The following TFAP2A variants were observed in gnomAD, a reference collection of about 807,000 sequenced individuals.
TFAP2A encodes the protein transcription factor AP-2-alpha.
Under a neutral mutation model 41.5 loss-of-function variants are expected in TFAP2A, and 7 were observed. That is an observed-to-expected ratio of 0.17 (90% CI 0.10 to 0.32). The LOEUF (loss-of-function observed/expected upper bound fraction) is 0.32. TFAP2A is among the 10% of genes least tolerant of loss of function. The pLI is 1.00. For synonymous variants in TFAP2A, 247 were observed against 242.8 expected (o/e 1.02, Z -0.16); for missense variants, 416 against 563.3 (o/e 0.74, Z 2.65).
chr6:10,418,489 G>A (rs1300819347), upstream of TFAP2A: 2 of 152,254 alleles, frequency 1.3e-5, no homozygotes, highest in Non-Finnish European at 2.9e-5. Context: ...AGGGCCTCGC[G>A]GTTCTGATGA....
At chr6:10,400,261 T>C (rs989553369) in intron 6 of TFAP2A, among the ~76,000 whole-genome samples, 187 bp downstream of exon 6, 2 of 149,092 alleles carry the variant, frequency 1.3e-5, no homozygotes, top group Non-Finnish European at 3.0e-5. Context: ...AGGAAAAAGA[T>C]GGGAGCGCCC....
At chr6:10,404,460 G>A in intron 4 of TFAP2A, 48 bp downstream of exon 4, 2 of 1,405,506 alleles carry the variant, frequency 1.4e-6, no homozygotes, top group East Asian at 2.9e-5. Flanking sequence ...AAGCGCAGTG[G>A]TTCCCCCGGC....
chr6:10,406,992 C>T, intron 2 of TFAP2A, 148 bp from the exon 3 acceptor site: 3 of 715,750 alleles, frequency 4.2e-6, no homozygotes, highest in South Asian at 1.6e-5. Flanking sequence ...CTCATCTTGG[C>T]TTATTGGAAT....
At chr6:10,399,972 A>T (rs1761947336) in intron 6 of TFAP2A, among the ~76,000 whole-genome samples, 1 of 151,244 alleles carries the variant, frequency 6.6e-6, no homozygotes, top group Non-Finnish European at 1.5e-5. Context: ...TTGTGAAAGG[A>T]AGGTAAGAAA....
At chr6:10,413,071 T>G (rs1758071455) in intron 1 of TFAP2A, among the ~76,000 whole-genome samples, 1 of 152,014 alleles carries the variant, frequency 6.6e-6, no homozygotes, top group South Asian at 2.1e-4. Context: ...ATGACACGAC[T>G]AGCTCTCCCG....
chr6:10,415,166 AGAGGAGGGCGAGGAGGAG>A (rs1366177465), upstream of TFAP2A: 183 of 1,506,444 alleles, frequency 1.2e-4, no homozygotes, highest in South Asian at 4.0e-4. Flanking sequence ...AGGAGGAGGA[AGAGGAGGGCGAGGAGGAG>A]GAGGAGGGCG....
chr6:10,398,567 G>C lies in TFAP2A; in HGVS notation c.1170C>G (p.Ser390Arg), dbSNP rs1165787572. Residue 390 changes from serine to arginine, a missense_variant, in exon 7 of 7, where the codon AGC becomes AGG. By Grantham distance (110) the Ser-to-Arg change is moderately radical. This residue lies in a region of TFAP2A where 116 missense variants were observed against 153.8 expected (regional missense o/e 0.75). Transcript: ENST00000379613. The surrounding 1 kb of genome is among the most constrained non-coding windows in gnomAD (Gnocchi z 5.3). ...CCGTGACCGCGGCACACACCGCGGG[G>C]CTGCCGAAGCCGTGGGAGATGAGGT... ...HFNLISHGFG[S>R]PAVCAAVTAL... The C allele has an allele frequency of 1.2e-6, 2 of 1,614,118 alleles. No individual in the cohort carries two copies. The highest frequency in any genetic ancestry group is 1.7e-6 in the Non-Finnish European group (2 of 1,180,040).
chr6:10,410,381 C>A lies in TFAP2A; in HGVS notation c.52-46G>T, dbSNP rs549026219. On this transcript the variant is annotated intron_variant, in intron 1 of 6. Coordinates refer to ENST00000379613, the MANE Select transcript of TFAP2A (RefSeq NM_001372066.1). ...AGGTAAAGAACAAGGAATCAGGCGT[C>A]GAGCTACAACTATCCACACAAAATC... 4.2e-5 allele frequency: 65 copies of A among 1,541,094 alleles called. No homozygotes were observed. In the East Asian group the frequency reaches 1.5e-3, roughly 36 times the overall value.
At chr6:10,409,734 G>T in intron 2 of TFAP2A, 167 bp downstream of exon 2, 1 of 796,590 alleles carries the variant, frequency 1.3e-6, no homozygotes, top group Non-Finnish European at 2.0e-6. Context: ...CAACTACTTT[G>T]TGTGGTTCCT....
intron 6 of TFAP2A, among the ~76,000 whole-genome samples, chr6:10,399,896 GTCTCTC>G (rs140854143): frequency 1.6e-4 from 24 of 148,596 alleles, no homozygotes; most frequent in South Asian, 6.4e-4. Flanking sequence ...TGGGGTGTGG[GTCTCTC>G]TCTCTCTCTC....
At chr6:10,417,027 G>C (rs1034386581), upstream of TFAP2A, 3 of 152,414 alleles carry the variant, frequency 2.0e-5, no homozygotes, top group African/African-American at 7.2e-5. Context: ...GGCTGTCCCA[G>C]CCTGTCGCCA....
intron 4 of TFAP2A, among the ~76,000 whole-genome samples, chr6:10,403,351 A>G (rs1581260677): frequency 6.6e-6 from 1 of 152,232 alleles, no homozygotes; most frequent in Admixed American, 6.5e-5. Context: ...ACAGTCTCCA[A>G]TATTGGGGAT....
At chr6:10,409,075 GGTTTAA>G (rs773221998) in intron 2 of TFAP2A, 3 of 152,200 alleles carry the variant, frequency 2.0e-5, no homozygotes, top group Non-Finnish European at 4.4e-5. Flanking sequence ...CAGAGGTACT[GGTTTAA>G]GTTTAATTCC....
intron 1 of TFAP2A, chr6:10,411,461 C>G: frequency 6.3e-7 from 1 of 1,599,922 alleles, no homozygotes; most frequent in Non-Finnish European, 8.5e-7. Context: ...AGAGGGTGTC[C>G]TGAAGGAAAG....
chr6:10,401,926 A>G (rs938613780), intron 5 of TFAP2A: 1 of 224,980 alleles, frequency 4.4e-6, no homozygotes, highest in African/African-American at 2.3e-5. Flanking sequence ...AACTTTTTGC[A>G]ATGCTTATAT....
intron 1 of TFAP2A, chr6:10,412,682 G>GGCAGGCGCTTCCCGGCCCTGTCTGGCC (rs1203375324): frequency 2.9e-6 from 1 of 346,210 alleles, no homozygotes; most frequent in African/African-American, 2.2e-5. Context: ...CTCTCGGCGC[G>GGCAGGCGCTTCCCGGCCCTGTCTGGCC]GCAGGCGCTT....
chr6:10,414,460 AGAAAGAAT>A (rs1338137077), intron 1 of TFAP2A: 1 of 268,662 alleles, frequency 3.7e-6, no homozygotes, highest in Admixed American at 4.9e-5. Context: ...GGTGGGGGGA[AGAAAGAAT>A]GAATGAATGA....
chr6:10,404,482 G>GCGGGCGGGGCCGTGC (rs1757596706), intron 4 of TFAP2A, 26 bp downstream of exon 4: 1 of 1,483,164 alleles, frequency 6.7e-7, no homozygotes, highest in Non-Finnish European at 9.0e-7. Context: ...GCGGGGCGGG[G>GCGGGCGGGGCCGTGC]CGGGCGGGGC....
chr6:10,417,474 C>A (rs1326670857), upstream of TFAP2A, among the ~76,000 whole-genome samples: 1 of 152,230 alleles, frequency 6.6e-6, no homozygotes, highest in Non-Finnish European at 1.5e-5. Context: ...TTTATGCCAG[C>A]GTCATTACCA....
Sources: gnomAD v4.1 joint callset for allele counts (sites outside exome capture counted in the v4.1 genomes callset) on GRCh38, gnomAD v4.1.1 for gene constraint, gnomAD v4.1.1 regional missense constraint, Gnocchi (gnomAD v3.1) non-coding constraint, MANE v1.5 for transcripts, NCBI Gene and HGNC (gene_info 2026-07-23, HGNC 2026-07-21) for gene names.